Variants in CLPB observed in about 807,000 individuals in gnomAD.
CLPB encodes mitochondrial disaggregase.
A neutral mutation model predicts 78.4 loss-of-function variants in CLPB; 40 were observed. The observed-to-expected ratio is 0.51, with a 90% CI of 0.40 to 0.66. The LOEUF is 0.66. CLPB is among the 30% of genes least tolerant of loss of function. The pLI is 0.00. For missense variants in CLPB, 780 were observed against 886.9 expected, an observed-to-expected ratio of 0.88 and a Z score of 1.53; for synonymous variants, 333 against 348.0, an observed-to-expected ratio of 0.96 and a Z score of 0.48.
intron 5 of CLPB, among the ~76,000 whole-genome samples, chr11:72,342,272 G>A (rs923984003): frequency 2.0e-5 from 3 of 152,114 alleles, no homozygotes; most frequent in African/African-American, 7.2e-5. Context: ...TTAGAAAGAG[G>A]TGGTATAAAA....
At chr11:72,428,376 C>A (rs1445436192) in intron 2 of CLPB, among the ~76,000 whole-genome samples, 1 of 152,230 alleles carries the variant, frequency 6.6e-6, no homozygotes, top group African/African-American at 2.4e-5. Flanking sequence ...CACGTCTCCC[C>A]ACTGTGTACA....
intron 5 of CLPB, among the ~76,000 whole-genome samples, chr11:72,334,813 C>T (rs551721952): frequency 6.6e-6 from 1 of 152,348 alleles, no homozygotes; most frequent in South Asian, 2.1e-4. Context: ...GGGCAAACAC[C>T]TGGAGCACCC....
intron 6 of CLPB, 127 bp from the exon 7 acceptor site, chr11:72,317,347 A>C (rs966346996): frequency 4.6e-6 from 3 of 657,030 alleles, no homozygotes; most frequent in Non-Finnish European, 7.5e-6. Flanking sequence ...GCTGTGGTTC[A>C]TGGTCACTGG....
chr11:72,348,666 T>C (rs1371583767), intron 5 of CLPB, among the ~76,000 whole-genome samples: 1 of 152,232 alleles, frequency 6.6e-6, no homozygotes, highest in Admixed American at 6.5e-5. Flanking sequence ...TTGCTTATGT[T>C]TAATTGAAAG....
chr11:72,331,260 C>T (rs1487645908), intron 5 of CLPB, among the ~76,000 whole-genome samples: 5 of 151,708 alleles, frequency 3.3e-5, no homozygotes, highest in African/African-American at 9.7e-5. Flanking sequence ...AAACATTAGC[C>T]GGGCGTGGTG....
rs1590785824 is a variant in CLPB at position 72,317,021 on chromosome 11, T to C, written c.988+85A>G. ...AACAAATGCTAATTTTTAATATTATTAACAGCGCCTATCCAGTTTGGTGAC... is the reference window on the plus strand; with the variant it reads ...AACAAATGCTAATTTTTAATATTATCAACAGCGCCTATCCAGTTTGGTGAC... On this transcript the variant is annotated intron_variant, in intron 7 of 15. Coordinates refer to ENST00000538039, the MANE Select transcript of CLPB (RefSeq NM_001258392.3). 5 of 820,492 alleles carry C rather than the reference T, an allele frequency of 6.1e-6. No homozygotes were observed. In the East Asian group the frequency reaches 1.4e-4, roughly 22 times the overall value. The allele number at this position is 820,492 out of a possible 1,614,324, so 50.8% of individuals were successfully genotyped here. A position where few individuals can be genotyped will look rare whatever the true frequency, so the allele number is the denominator to read the frequency against.
At chr11:72,378,821 C>G (rs1343626839) in intron 4 of CLPB, among the ~76,000 whole-genome samples, 1 of 152,130 alleles carries the variant, frequency 6.6e-6, no homozygotes, top group Non-Finnish European at 1.5e-5. Context: ...TCATGGCCTG[C>G]ACATGAGGAG....
At chr11:72,424,662 G>A (rs1387284622) in intron 2 of CLPB, among the ~76,000 whole-genome samples, 4 of 152,138 alleles carry the variant, frequency 2.6e-5, no homozygotes, top group Admixed American at 6.5e-5. Flanking sequence ...TTGGGAGGCC[G>A]AGGCGGGCGG....
At chr11:72,301,653 A>C in intron 11 of CLPB, 150 bp downstream of exon 11, 1 of 855,152 alleles carries the variant, frequency 1.2e-6, no homozygotes, top group South Asian at 1.7e-5. Flanking sequence ...AGAGGGGCTA[A>C]GTTGCACCTA....
chr11:72,373,216 G>C (rs1951076544), intron 4 of CLPB, among the ~76,000 whole-genome samples: 1 of 152,316 alleles, frequency 6.6e-6, no homozygotes, highest in East Asian at 1.9e-4. Context: ...TTTATAGCCT[G>C]CTCTGGCTGC....
chr11:72,296,451 A>G (rs1264817341), intron 11 of CLPB, among the ~76,000 whole-genome samples: 2 of 152,236 alleles, frequency 1.3e-5, no homozygotes, highest in Non-Finnish European at 2.9e-5. Context: ...AGCAAACAGT[A>G]TAGGGCAGAG....
At position 72,406,264 on chromosome 11, in the gene CLPB, G is replaced by A. The variant is rs185673820; in HGVS notation, c.456-3212C>T. On this transcript the variant is annotated intron_variant, in intron 2 of 15. Transcript: ENST00000538039. ...ACCAAAATCCCTCATGCCTCCAAGG[G>A]AACAATGACCCATGTTCCCCTGCCT... is the stretch of plus-strand genomic sequence containing the variant. 2.3e-3 allele frequency among the ~76,000 whole-genome samples: 353 copies of A among 152,200 alleles called. 3 individuals are homozygous for A. The highest frequency in any genetic ancestry group is 0.01 in the Middle Eastern group (3 of 294).
intron 2 of CLPB, chr11:72,407,969 T>A: frequency 1.5e-6 from 1 of 671,482 alleles, no homozygotes; most frequent in Admixed American, 2.5e-5. Flanking sequence ...TATTCTAACA[T>A]CCTAAAGGAA....
At chr11:72,311,254 GT>G (rs1192285614) in intron 7 of CLPB, among the ~76,000 whole-genome samples, 1 of 152,120 alleles carries the variant, frequency 6.6e-6, no homozygotes, top group Non-Finnish European at 1.5e-5. Flanking sequence ...TGAGGATCCC[GT>G]CAGGCCAGAG....
chr11:72,330,404 T>C (rs1377940405), intron 5 of CLPB, among the ~76,000 whole-genome samples: 2 of 152,202 alleles, frequency 1.3e-5, no homozygotes, highest in Non-Finnish European at 2.9e-5. Context: ...TTTCCTCCAA[T>C]CATTAGTTCC....
chr11:72,385,641 G>A (rs1855052585), intron 3 of CLPB, among the ~76,000 whole-genome samples: 1 of 152,164 alleles, frequency 6.6e-6, no homozygotes, highest in Non-Finnish European at 1.5e-5. Context: ...TGGCCAACAT[G>A]GTGAAACCCT....
intron 4 of CLPB, among the ~76,000 whole-genome samples, chr11:72,371,686 C>T (rs749253203): frequency 2.0e-5 from 3 of 152,102 alleles, no homozygotes; most frequent in Non-Finnish European, 4.4e-5. Flanking sequence ...CAAAGTCTTG[C>T]GATTATAGGC....
chr11:72,362,809 G>T (rs970035511), intron 4 of CLPB, among the ~76,000 whole-genome samples: 1 of 152,182 alleles, frequency 6.6e-6, no homozygotes, highest in African/African-American at 2.4e-5. Context: ...TGTGAAAAAA[G>T]GCTTCACTTG....
intron 9 of CLPB, among the ~76,000 whole-genome samples, chr11:72,306,785 A>G (rs1590770879): frequency 6.6e-6 from 1 of 152,332 alleles, no homozygotes; most frequent in South Asian, 2.1e-4. Flanking sequence ...TGCACTGAAC[A>G]GTAATGTTGT....
Sources: gnomAD v4.1 joint callset for allele counts (sites outside exome capture counted in the v4.1 genomes callset) on GRCh38, gnomAD v4.1.1 for gene constraint, MANE v1.5 for transcripts, NCBI Gene and HGNC (gene_info 2026-07-23, HGNC 2026-07-21) for gene names.